Variants in GLIS3 observed in about 807,000 individuals in gnomAD.
GLIS3 encodes the protein GLIS family zinc finger 3, also known as zinc finger protein GLIS3.
Under a neutral mutation model 78.6 loss-of-function variants are expected in GLIS3, and 53 were observed. That is an observed-to-expected ratio of 0.67 (90% confidence interval 0.54 to 0.85). The LOEUF (loss-of-function observed/expected upper bound fraction) is 0.85. Ranked by LOEUF, GLIS3 falls within the 40% of genes least tolerant of loss-of-function variation. GLIS3 has a pLI of 0.00. For synonymous variants in GLIS3, 684 were observed against 509.9 expected, an observed-to-expected ratio of 1.34 and a Z score of -4.60; for missense variants, 1,703 against 1,231.1, an observed-to-expected ratio of 1.38 and a Z score of -5.74.
chr9:4,437,265 G>C, the GLIS3 span, among the ~76,000 whole-genome samples: 1 of 152,116 alleles, frequency 6.6e-6, no homozygotes, highest in East Asian at 1.9e-4. Flanking sequence ...GAGGGTCTTG[G>C]ATTCATTATA....
chr9:4,488,993 A>G, the GLIS3 span, among the ~76,000 whole-genome samples: 6 of 152,042 alleles, frequency 3.9e-5, no homozygotes, highest in Non-Finnish European at 7.4e-5. Flanking sequence ...CAGCCTCCCA[A>G]GTAGCTGCGA....
chr9:3,923,430 C>T (rs1010556612), intron 6 of GLIS3, among the ~76,000 whole-genome samples: 13 of 151,918 alleles, frequency 8.6e-5, no homozygotes, highest in African/African-American at 1.9e-4. Context: ...ATAGTCCATA[C>T]GCCAAAAAAT....
intron 4 of GLIS3, among the ~76,000 whole-genome samples, chr9:3,962,861 G>A (rs1230315439): frequency 2.7e-5 from 4 of 149,998 alleles, no homozygotes; most frequent in Non-Finnish European, 4.4e-5. Flanking sequence ...GCATAGTAAC[G>A]AAGTCCTGAA....
chr9:4,349,492 A>G (rs1817935909), upstream of GLIS3, among the ~76,000 whole-genome samples: 1 of 152,232 alleles, frequency 6.6e-6, no homozygotes. Flanking sequence ...GATGAGTAGA[A>G]AAAGAGAATG....
chr9:4,351,426 G>C (rs943842516), upstream of GLIS3, among the ~76,000 whole-genome samples: 2 of 148,400 alleles, frequency 1.3e-5, no homozygotes, highest in Non-Finnish European at 3.0e-5. Flanking sequence ...GGAGGGTGAG[G>C]AGAAATCTTT....
chr9:3,920,530 G>A lies in GLIS3; in HGVS notation c.1983+11830C>T, dbSNP rs145590082. 1.1e-3 allele frequency among the ~76,000 whole-genome samples: 166 copies of A among 151,800 alleles called. 1 individual carries two copies. The highest frequency in any genetic ancestry group is 3.8e-3 in the African/African-American group (157 of 41,386). On this transcript the variant is annotated intron_variant, in intron 6 of 10. Coordinates refer to ENST00000381971, the MANE Select transcript of GLIS3 (RefSeq NM_001042413.2). The stretch of plus-strand genomic sequence containing the variant: ...CAGTTCATTTATGCTATGATTTAGG[G>A]CTCCCTATGTGTCTGAGTCTTTGTG...
At chr9:4,162,340 G>A (rs1320021412) in intron 2 of GLIS3, among the ~76,000 whole-genome samples, 1 of 152,080 alleles carries the variant, frequency 6.6e-6, no homozygotes. Flanking sequence ...ACATTCTGAG[G>A]TTCCAGGTGG....
At chr9:3,965,216 A>G (rs1201792774) in intron 4 of GLIS3, among the ~76,000 whole-genome samples, 2 of 41,260 alleles carry the variant, frequency 4.8e-5, no homozygotes, top group African/African-American at 2.0e-4. Flanking sequence ...TTTTTTTGAG[A>G]CAGAGTCTCG....
chr9:4,245,680 T>C lies in GLIS3; in HGVS notation c.388+40358A>G, dbSNP rs138537254. Among the ~76,000 whole-genome samples, 559 of 152,310 alleles carry C rather than the reference T, an allele frequency of 3.7e-3. 4 individuals carry two copies. The highest frequency in any genetic ancestry group is 0.013 in the African/African-American group (525 of 41,562). On this transcript the variant is annotated intron_variant, in intron 2 of 10. Coordinates refer to ENST00000381971, the MANE Select transcript of GLIS3 (RefSeq NM_001042413.2). ...TGAAAACTGATATAATTTTCAATGT[T>C]TGAGGTGATGGATACGCTAATTATC...
At chr9:4,054,775 C>G (rs936437120) in intron 4 of GLIS3, among the ~76,000 whole-genome samples, 4 of 152,062 alleles carry the variant, frequency 2.6e-5, no homozygotes, top group East Asian at 1.9e-4. Flanking sequence ...TGGTCTCTCT[C>G]TGTGTGTGTA....
At chr9:4,372,269 C>T in the GLIS3 span, among the ~76,000 whole-genome samples, 1 of 152,104 alleles carries the variant, frequency 6.6e-6, no homozygotes, top group Non-Finnish European at 1.5e-5. Flanking sequence ...TTTGCTGTTG[C>T]CATCTTGAAA....
chr9:4,218,652 T>C (rs895491786), intron 2 of GLIS3, among the ~76,000 whole-genome samples: 3 of 152,222 alleles, frequency 2.0e-5, no homozygotes, highest in African/African-American at 4.8e-5. Context: ...CATGTTCCTA[T>C]GGAGCACTTG....
chr9:3,965,520 T>C (rs1324573689), intron 4 of GLIS3, among the ~76,000 whole-genome samples: 1 of 152,136 alleles, frequency 6.6e-6, no homozygotes, highest in African/African-American at 2.4e-5. Context: ...ATCACTCTAA[T>C]CCACTGGTTC....
chr9:4,361,842 T>C, the GLIS3 span, among the ~76,000 whole-genome samples: 1 of 152,240 alleles, frequency 6.6e-6, no homozygotes, highest in Admixed American at 6.5e-5. Flanking sequence ...CAGCCTAATT[T>C]GAAGCTCTTT....
chr9:3,958,966 T>C lies in GLIS3; in HGVS notation c.1711-21777A>G, dbSNP rs148473139. ...GTGAGAAGTCTGGATTAATCTTCAG[T>C]AAAGACTATAGGAAAGCCTTGGGCT... On this transcript the variant is annotated intron_variant, in intron 4 of 10. Coordinates refer to ENST00000381971, the MANE Select transcript of GLIS3 (RefSeq NM_001042413.2). Among the ~76,000 whole-genome samples the C allele has an allele frequency of 3.6e-3, 553 of 152,360 alleles. 1 individual carries two copies. Among genetic ancestry groups the C allele is most frequent in the African/African-American group, 0.013 (538 of 41,582 alleles).
chr9:4,386,936 G>A, the GLIS3 span, among the ~76,000 whole-genome samples: 1 of 152,122 alleles, frequency 6.6e-6, no homozygotes, highest in East Asian at 1.9e-4. Context: ...TTGGGGCATA[G>A]TCCCTGTTGA....
intron 8 of GLIS3, among the ~76,000 whole-genome samples, chr9:3,870,714 C>T (rs1266708958): frequency 6.6e-6 from 1 of 152,244 alleles, no homozygotes; most frequent in Non-Finnish European, 1.5e-5. Flanking sequence ...TTATCCCCAA[C>T]AGGTCCCTCC....
At chr9:4,129,051 C>A (rs1046378611) in intron 2 of GLIS3, among the ~76,000 whole-genome samples, 2 of 152,184 alleles carry the variant, frequency 1.3e-5, no homozygotes, top group African/African-American at 4.8e-5. Flanking sequence ...TGAGGATGTT[C>A]TGGAAAATGG....
the GLIS3 span, among the ~76,000 whole-genome samples, chr9:4,461,658 A>C: frequency 6.6e-6 from 1 of 152,104 alleles, no homozygotes. Flanking sequence ...GGCCAATGAG[A>C]TATGAAAGAA....
Sources: allele counts gnomAD v4.1 joint callset (sites outside exome capture counted in the v4.1 genomes callset), GRCh38; gene constraint gnomAD v4.1.1; transcripts MANE v1.5; gene names NCBI Gene and HGNC (gene_info 2026-07-23, HGNC 2026-07-21).